The following DECR2 variants were observed in gnomAD, a reference collection of about 807,000 sequenced individuals.
DECR2 encodes 2,4-dienoyl-CoA reductase 2.
In DECR2, 34 loss-of-function variants were observed where a neutral mutation model predicts 29.2. The observed-to-expected ratio is 1.16, with a 90% CI of 0.89 to 1.55. The LOEUF is 1.55. Ranked by LOEUF, DECR2 falls within the 40% of genes most tolerant of loss-of-function variation. DECR2 has a pLI of 0.00. For synonymous variants in DECR2, 224 were observed against 182.7 expected, an observed-to-expected ratio of 1.23 and a Z score of -1.82; for missense variants, 485 against 425.3, an observed-to-expected ratio of 1.14 and a Z score of -1.23.
chr16:411,898 C>T lies in DECR2; in HGVS notation c.*9C>T, dbSNP rs765983049. ...TTCTGAAACTCCTGCAGGAATCTTC[C>T]GGCCGCTGCTTCCTGCCGCCTCACT... is the stretch of plus-strand genomic sequence containing the variant. On this transcript the variant is annotated 3_prime_UTR_variant, in exon 9 of 9. Transcript: ENST00000219481. 1.5e-5 allele frequency: 5 copies of T among 340,302 alleles called. No homozygotes were observed. The highest frequency in any genetic ancestry group is 1.6e-5 in the Non-Finnish European group (3 of 186,932). 21.1% of individuals were successfully genotyped at this position (340,302 alleles called of 1,614,324 possible).
intron 8 of DECR2, 22 bp downstream of exon 8, chr16:411,600 T>C (rs780408348): frequency 2.4e-5 from 39 of 1,593,864 alleles, no homozygotes; most frequent in Non-Finnish European, 3.2e-5. Context: ...CTCCCGCTTC[T>C]TGGGGTCATC....
chr16:405,045 T>C, intron 2 of DECR2, 21 bp downstream of exon 2: 1 of 1,608,372 alleles, frequency 6.2e-7, no homozygotes, highest in Non-Finnish European at 8.5e-7. Flanking sequence ...TCTGTGTCCC[T>C]TCCCTGCTCC....
At chr16:407,824 C>A (rs1436646493) in intron 4 of DECR2, among the ~76,000 whole-genome samples, 2 of 145,184 alleles carry the variant, frequency 1.4e-5, no homozygotes, top group African/African-American at 2.6e-5. Flanking sequence ...TGTCTTCGGC[C>A]GCATCTCCGG....
intron 1 of DECR2, among the ~76,000 whole-genome samples, chr16:404,714 C>A (rs1265293173): frequency 6.6e-6 from 1 of 152,094 alleles, no homozygotes; most frequent in Non-Finnish European, 1.5e-5. Context: ...ACTGCAACAT[C>A]TGCCTCCCGG....
At position 410,027 on chromosome 16, in the gene DECR2, G is replaced by C. The variant is rs1276565882; in HGVS notation, c.338-216G>C. On this transcript the variant is annotated intron_variant, in intron 4 of 8. Coordinates refer to ENST00000219481, the MANE Select transcript of DECR2 (RefSeq NM_020664.4). This position sits in a 1 kb window ranked among gnomAD's most constrained non-coding sequence, Gnocchi z 4.1. The stretch of plus-strand genomic sequence containing the variant: ...CCACAGTCGCAGGTACGGAGCCAGG[G>C]CTTCAGCATGTCTTCTCTTCTCGGG... The C allele has an allele frequency of 1.6e-6, 1 of 606,578 alleles. No individual in the cohort carries two copies. The highest frequency in any genetic ancestry group is 2.8e-6 in the Non-Finnish European group (1 of 359,260). 37.6% of individuals were successfully genotyped at this position (606,578 alleles called of 1,614,324 possible). A position where few individuals can be genotyped will look rare whatever the true frequency, so the allele number is the denominator to read the frequency against.
Position 411,022 on chromosome 16 carries a change from G to T in DECR2, c.607G>T (p.Val203Phe). The T allele has an allele frequency of 6.2e-7, 1 of 1,600,428 alleles. No individual in the cohort carries two copies. Residue 203 changes from valine (V) to phenylalanine (F), a missense_variant, in exon 7 of 9, where the codon GTC (valine) becomes TTC (phenylalanine). Transcript: ENST00000219481. The part of the protein sequence containing the change: ...AVEWGPQNIR[V>F]NSLAPGPISG... ...GGAGTGGGGTCCCCAAAACATCCGC[G>T]TCAACAGCCTCGCCCCTGGCCCCAT... is the stretch of plus-strand genomic sequence containing the variant.
At chr16:409,296 C>A (rs1033719202) in intron 4 of DECR2, among the ~76,000 whole-genome samples, 52 of 152,104 alleles carry the variant, frequency 3.4e-4, no homozygotes, top group African/African-American at 1.2e-3. Flanking sequence ...CTCAGTCCCC[C>A]AGTAGCTGGG....
rs1355544439 is a variant in DECR2, at chr16:410,826, C to A, written c.556+42C>A. On this transcript the variant is annotated intron_variant, in intron 6 of 8. Coordinates refer to ENST00000219481, the MANE Select transcript of DECR2 (RefSeq NM_020664.4). The surrounding 1 kb of genome is among the most constrained non-coding windows in gnomAD (Gnocchi z 4.1). ...CCGCCCAGGTTTGCCCACGTGGGTC[C>A]CCAATGGGCCGTCTGCTTCCATCCC... is the stretch of plus-strand genomic sequence containing the variant. The A allele has an allele frequency of 6.5e-7, 1 of 1,540,964 alleles. No homozygotes were observed. Among genetic ancestry groups the A allele is most frequent in the East Asian group, 2.4e-5 (1 of 41,334 alleles).
rs925854308 is a variant in DECR2, at chr16:405,537, T to C, written c.149+513T>C. Reference sequence around the variant, plus strand: ...GGGCATCTGAGGACCAGATGGGACATTGCAGCTCCAGTGGGACCTGCCTAG... The same window carrying C: ...GGGCATCTGAGGACCAGATGGGACACTGCAGCTCCAGTGGGACCTGCCTAG... On this transcript the variant is annotated intron_variant, in intron 2 of 8. Coordinates refer to ENST00000219481, the MANE Select transcript of DECR2 (RefSeq NM_020664.4). 1.0e-5 allele frequency: 13 copies of C among 1,304,676 alleles called. No homozygotes were observed. The Admixed American group carries it at 2.3e-4, about 23-fold the overall frequency. The allele number at this position is 1,304,676 out of a possible 1,614,324, so 80.8% of individuals were successfully genotyped here.
chr16:410,854 GA>G lies in DECR2; in HGVS notation c.556+71del. The G allele has an allele frequency of 6.6e-7, 1 of 1,524,428 alleles. No individual in the cohort carries two copies. Among genetic ancestry groups the G allele is most frequent in the Non-Finnish European group, 8.9e-7 (1 of 1,126,306 alleles). The allele number at this position is 1,524,428 out of a possible 1,614,324, so 94.4% of individuals were successfully genotyped here. A position where few individuals can be genotyped will look rare whatever the true frequency, so the allele number is the denominator to read the frequency against. On this transcript the variant is annotated intron_variant, in intron 6 of 8. Coordinates refer to ENST00000219481, the MANE Select transcript of DECR2 (RefSeq NM_020664.4). The surrounding 1 kb of genome is among the most constrained non-coding windows in gnomAD (Gnocchi z 4.1). ...AATGGGCCGTCTGCTTCCATCCCAGGAGGCCAGCAGTCTCCACTTGAAGCTG... is the reference window on the plus strand; with the variant it reads ...AATGGGCCGTCTGCTTCCATCCCAGGGGCCAGCAGTCTCCACTTGAAGCTG...
chr16:410,795 C>T lies in DECR2; in HGVS notation c.556+11C>T, dbSNP rs60098912. On this transcript the variant is annotated intron_variant, in intron 6 of 8. Transcript: ENST00000219481. This position sits in a 1 kb window ranked among gnomAD's most constrained non-coding sequence, Gnocchi z 4.1. ...CCAAGGCCGCTGTGGGTATGACCAC[C>T]CCCCCCCGCCCAGGTTTGCCCACGT... 2.0e-5 allele frequency: 32 copies of T among 1,563,070 alleles called. No homozygotes were observed. The highest frequency in any genetic ancestry group is 2.6e-5 in the Non-Finnish European group (30 of 1,154,340).
chr16:409,928 A>C, intron 4 of DECR2: 1 of 349,968 alleles, frequency 2.9e-6, no homozygotes. Flanking sequence ...CATTGGATTT[A>C]GGGCTCACCC....
In DECR2 at chr16:411,010, C is replaced by T; in HGVS notation, c.595C>T (p.Gln199Ter). The T allele has an allele frequency of 6.2e-7, 1 of 1,603,690 alleles. No homozygotes were observed. Among genetic ancestry groups the T allele is most frequent in the Non-Finnish European group, 8.5e-7 (1 of 1,175,768 alleles). The change falls in exon 7 of 9, where the codon CAA (glutamine) becomes TAA (stop). Residue 199 changes from glutamine to a stop codon, truncating the protein, a stop_gained. Coordinates refer to ENST00000219481, the MANE Select transcript of DECR2 (RefSeq NM_020664.4). LOFTEE classifies it high-confidence loss of function. Reference sequence around the variant, plus strand: ...GCACTTGGCTGTGGAGTGGGGTCCCCAAAACATCCGCGTCAACAGCCTCGC... The same window carrying T: ...GCACTTGGCTGTGGAGTGGGGTCCCTAAAACATCCGCGTCAACAGCCTCGC... ...TRHLAVEWGP[Q>*]NIRVNSLAPG...
chr16:402,175 C>CT, intron 1 of DECR2, 132 bp downstream of exon 1: 1 of 718,472 alleles, frequency 1.4e-6, no homozygotes, highest in Non-Finnish European at 2.0e-6. Flanking sequence ...TTTCTTTTTT[C>CT]TTTCTTTTTT....
chr16:404,847 C>G, intron 1 of DECR2, 109 bp from the exon 2 acceptor site: 1 of 1,008,432 alleles, frequency 9.9e-7, no homozygotes, highest in Non-Finnish European at 1.5e-6. Flanking sequence ...CCAAGCTGGT[C>G]TCGATCTCCT....
intron 1 of DECR2, among the ~76,000 whole-genome samples, chr16:404,300 G>A (rs999514195): frequency 2.0e-5 from 3 of 151,578 alleles, no homozygotes; most frequent in South Asian, 2.1e-4. Context: ...GTGCAATGGC[G>A]CAATTTTGGC....
Position 411,365 on chromosome 16 carries a change from C to T in DECR2, c.666C>T (p.Gly222=), listed in dbSNP as rs751091812. ...SGTEGLRRLG[G]PQASLSTKVT... The stretch of plus-strand genomic sequence containing the variant: ...GAGCCTTCTGCTGCCCTCCAGGTGG[C>T]CCTCAGGCCAGCCTGAGCACCAAGG... Residue 222 remains glycine (G), a synonymous_variant, in exon 8 of 9, where the codon GGC becomes GGT. Transcript: ENST00000219481. 2 of 1,605,524 alleles carry T rather than the reference C, an allele frequency of 1.2e-6. No individual in the cohort carries two copies. The highest frequency in any genetic ancestry group is 1.7e-6 in the Non-Finnish European group (2 of 1,178,514).
chr16:403,180 C>T (rs1020689469), intron 1 of DECR2, among the ~76,000 whole-genome samples: 3 of 148,726 alleles, frequency 2.0e-5, no homozygotes, highest in Non-Finnish European at 4.4e-5. Flanking sequence ...CACAATACCA[C>T]GCTGGGCTAA....
chr16:407,155 C>G (rs1331335170), intron 3 of DECR2: 1 of 1,264,670 alleles, frequency 7.9e-7, no homozygotes, highest in South Asian at 2.4e-5. Context: ...TGGTCTGCAG[C>G]AGGGGCAGGA....
Sources: gnomAD v4.1 joint callset for allele counts (sites outside exome capture counted in the v4.1 genomes callset) on GRCh38, gnomAD v4.1.1 for gene constraint, Gnocchi (gnomAD v3.1) non-coding constraint, MANE v1.5 for transcripts, NCBI Gene and HGNC (gene_info 2026-07-23, HGNC 2026-07-21) for gene names.